The following KLHL20 variants were observed in gnomAD, a reference collection of about 807,000 sequenced individuals.
KLHL20 encodes kelch like family member 20.
Under a neutral mutation model 69.5 loss-of-function variants are expected in KLHL20, and 29 were observed. That is an observed-to-expected ratio of 0.42 (90% CI 0.31 to 0.57). KLHL20 has a LOEUF of 0.57. Among genes scored for constraint, KLHL20 ranks in the 20% least tolerant of loss-of-function variants. The pLI, the probability that KLHL20 is intolerant of heterozygous loss-of-function variation, is 0.18. For synonymous variants in KLHL20, 253 were observed against 265.2 expected, an observed-to-expected ratio of 0.95 and a Z score of 0.45; for missense variants, 419 against 776.0, an observed-to-expected ratio of 0.54 and a Z score of 5.47.
rs757983555 is a variant in KLHL20 at position 173,732,196 on chromosome 1, C to CA, written c.24-1503dup. On this transcript the variant is annotated intron_variant, in intron 2 of 11. Transcript: ENST00000209884. ...TCCGTGACAGAGCCAGACTCTGTCT[C>CA]AAAAAAAAAAAAAACCAGTGTGATG... 7.9e-3 allele frequency among the ~76,000 whole-genome samples: 902 copies of CA among 114,276 alleles called. 4 individuals are homozygous for CA. The highest frequency in any genetic ancestry group is 0.017 in the Middle Eastern group (4 of 242). The allele number at this position is 114,276 out of a possible 152,430, so 75.0% of individuals were successfully genotyped here.
chr1:173,737,143 T>C (rs888432029), intron 3 of KLHL20, among the ~76,000 whole-genome samples: 1 of 152,276 alleles, frequency 6.6e-6, no homozygotes, highest in Non-Finnish European at 1.5e-5. Context: ...GTTGGATCTG[T>C]AGTTTGCAAA....
In KLHL20 at chr1:173,775,701, C is replaced by T. The variant is rs775661353; in HGVS notation, c.1497C>T (p.His499=). The T allele has an allele frequency of 1.2e-6, 2 of 1,614,054 alleles. No individual in the cohort carries two copies. The highest frequency in any genetic ancestry group is 1.7e-5 in the Admixed American group (1 of 60,006). The change falls in exon 10 of 12, where the codon CAC becomes CAT. Residue 499 remains histidine, a synonymous_variant. Transcript: ENST00000209884. ...TIAPMGTRRK[H]LGCAVYQDMI... is the part of the protein sequence containing the mutation. The stretch of plus-strand genomic sequence containing the variant: ...CCCCTATGGGGACCCGGAGGAAACA[C>T]CTAGGCTGTGCAGTATATCAGGACA...
chr1:173,764,016 GA>G (rs1256187183), intron 7 of KLHL20, among the ~76,000 whole-genome samples: 3 of 152,080 alleles, frequency 2.0e-5, no homozygotes, highest in Admixed American at 2.0e-4. Context: ...AATCTACAGT[GA>G]ATTCAAGTCA....
intron 2 of KLHL20, among the ~76,000 whole-genome samples, chr1:173,728,417 C>G (rs181006700): frequency 7.3e-4 from 111 of 152,290 alleles, no homozygotes; most frequent in African/African-American, 2.6e-3. Context: ...CATAACTCTC[C>G]ACCCCAAATC....
chr1:173,776,588 T>C lies in KLHL20; in HGVS notation c.1638+746T>C, dbSNP rs149040336. ...ATTTAAGTCTTTAATTCATTTTAATTTGATTTTTGTATATGGCAAAAAATG... is the reference window on the plus strand; with the variant it reads ...ATTTAAGTCTTTAATTCATTTTAATCTGATTTTTGTATATGGCAAAAAATG... On this transcript the variant is annotated intron_variant, in intron 10 of 11. Coordinates refer to ENST00000209884, the MANE Select transcript of KLHL20 (RefSeq NM_014458.4). Among the ~76,000 whole-genome samples, 406 of 152,320 alleles carry C rather than the reference T, an allele frequency of 2.7e-3. 2 individuals are homozygous for C. Among genetic ancestry groups the C allele is most frequent in the African/African-American group, 8.9e-3 (372 of 41,574 alleles).
At chr1:173,739,048 G>A (rs1672668426) in intron 3 of KLHL20, among the ~76,000 whole-genome samples, 1 of 151,998 alleles carries the variant, frequency 6.6e-6, no homozygotes, top group East Asian at 1.9e-4. Context: ...CTGTCTTTTG[G>A]AATAGTGTCC....
At chr1:173,720,422 G>A (rs1671664950) in intron 2 of KLHL20, among the ~76,000 whole-genome samples, 1 of 152,064 alleles carries the variant, frequency 6.6e-6, no homozygotes, top group African/African-American at 2.4e-5. Flanking sequence ...GTATTTTGAG[G>A]AAGAAGGGGA....
At chr1:173,760,015 G>A (rs1415334705) in intron 7 of KLHL20, among the ~76,000 whole-genome samples, 1 of 152,102 alleles carries the variant, frequency 6.6e-6, no homozygotes. Context: ...AAAATAGATA[G>A]CTTAATGAAA....
At chr1:173,769,823 A>T (rs1477663693) in intron 8 of KLHL20, among the ~76,000 whole-genome samples, 1 of 151,588 alleles carries the variant, frequency 6.6e-6, no homozygotes, top group Admixed American at 6.6e-5. Flanking sequence ...CCCATTCTTT[A>T]TGATGTGATT....
chr1:173,763,048 G>A (rs950125684), intron 7 of KLHL20, among the ~76,000 whole-genome samples: 4 of 150,650 alleles, frequency 2.7e-5, no homozygotes, highest in African/African-American at 9.8e-5. Context: ...CAAGATTAAT[G>A]TACACAAATC....
intron 3 of KLHL20, among the ~76,000 whole-genome samples, chr1:173,735,093 A>G (rs895770585): frequency 1.1e-4 from 16 of 152,366 alleles, no homozygotes; most frequent in Admixed American, 1.0e-3. Flanking sequence ...AGGATGTTAC[A>G]TAGTGATTAC....
intron 2 of KLHL20, among the ~76,000 whole-genome samples, chr1:173,723,082 A>C (rs1671789202): frequency 6.6e-6 from 1 of 152,236 alleles, no homozygotes; most frequent in Non-Finnish European, 1.5e-5. Flanking sequence ...TCTCAGTTCA[A>C]CAGTAGCATC....
At chr1:173,771,987 G>A (rs1488353444) in intron 8 of KLHL20, among the ~76,000 whole-genome samples, 1 of 152,202 alleles carries the variant, frequency 6.6e-6, no homozygotes, top group African/African-American at 2.4e-5. Context: ...GAAAACCAGA[G>A]TGTGGAGGTA....
intron 6 of KLHL20, 57 bp downstream of exon 6, chr1:173,756,095 C>CG (rs1673535557): frequency 1.6e-6 from 2 of 1,226,796 alleles, no homozygotes; most frequent in African/African-American, 3.0e-5. Flanking sequence ...GAGAAACTGT[C>CG]ATTTGAAAAA....
At chr1:173,743,172 A>C (rs910345913) in intron 3 of KLHL20, among the ~76,000 whole-genome samples, 1 of 151,608 alleles carries the variant, frequency 6.6e-6, no homozygotes, top group South Asian at 2.1e-4. Context: ...AGGATGCTCA[A>C]CCTCACCTAT....
chr1:173,725,844 G>A (rs1208501173), intron 2 of KLHL20, among the ~76,000 whole-genome samples: 2 of 152,176 alleles, frequency 1.3e-5, no homozygotes, highest in Non-Finnish European at 2.9e-5. Context: ...AATGATTTCT[G>A]CATTTCCAAC....
chr1:173,776,581 T>C (rs531717440), intron 10 of KLHL20, among the ~76,000 whole-genome samples: 1 of 152,374 alleles, frequency 6.6e-6, no homozygotes, highest in Non-Finnish European at 1.5e-5. Flanking sequence ...CTTTAATTCA[T>C]TTTAATTTGA....
In KLHL20 at chr1:173,785,754, AAAAAAC is replaced by A. The variant is rs1649169580; in HGVS notation, c.*513_*518del. 2.6e-5 allele frequency: 4 copies of A among 151,986 alleles called. No individual in the cohort carries two copies. The highest frequency in any genetic ancestry group is 7.2e-5 in the African/African-American group (3 of 41,426). 9.4% of individuals were successfully genotyped at this position (151,986 alleles called of 1,614,324 possible). On this transcript the variant is annotated 3_prime_UTR_variant, in exon 12 of 12. Coordinates refer to ENST00000209884, the MANE Select transcript of KLHL20 (RefSeq NM_014458.4). ...CAGAAGACTTGAAAATCTTAAAAAA[AAAAAAC>A]AAAAAAACAAGAAAAGGCAACATCT...
At position 173,785,401 on chromosome 1, in the gene KLHL20, C is replaced by T. The variant is rs554030487; in HGVS notation, c.*154C>T. On this transcript the variant is annotated 3_prime_UTR_variant, in exon 12 of 12. Transcript: ENST00000209884. ...CAATCCAATGAAAGTACTTCACCTG[C>T]AAGATGCACAATAATTTTCAACTCT... is the stretch of plus-strand genomic sequence containing the variant. 2.5e-6 allele frequency: 1 copy of T among 407,018 alleles called. No homozygotes were observed. The highest frequency in any genetic ancestry group is 6.5e-5 in the South Asian group (1 of 15,446). The allele number at this position is 407,018 out of a possible 1,614,324, so 25.2% of individuals were successfully genotyped here.
Sources: allele counts gnomAD v4.1 joint callset (sites outside exome capture counted in the v4.1 genomes callset), GRCh38; gene constraint gnomAD v4.1.1; transcripts MANE v1.5; gene names NCBI Gene and HGNC (gene_info 2026-07-23, HGNC 2026-07-21).